The following ADAM9 variants were observed in gnomAD, a reference collection of about 807,000 sequenced individuals.
ADAM9 encodes ADAM metallopeptidase domain 9, also known as disintegrin and metalloproteinase domain-containing protein 9.
Under a neutral mutation model 108.1 loss-of-function variants are expected in ADAM9, and 54 were observed. The ratio of observed to expected loss-of-function variants is 0.50; its 90% confidence interval spans 0.40 to 0.63. The LOEUF (loss-of-function observed/expected upper bound fraction) is 0.63. Among genes scored for constraint, ADAM9 ranks in the 20% least tolerant of loss-of-function variants. The probability of loss-of-function intolerance (pLI) is 0.00; values close to 1 mark genes in which losing one functional copy is unlikely to be tolerated. For missense variants in ADAM9, 830 were observed against 997.7 expected, an observed-to-expected ratio of 0.83 and a Z score of 2.26; for synonymous variants, 316 against 336.0, an observed-to-expected ratio of 0.94 and a Z score of 0.65.
chr8:39,086,257 C>G (rs1839178488), intron 18 of ADAM9, among the ~76,000 whole-genome samples: 1 of 152,194 alleles, frequency 6.6e-6, no homozygotes, highest in Admixed American at 6.5e-5. Flanking sequence ...TCAAATGATT[C>G]ACCCACCTCA....
chr8:39,070,247 C>T (rs1481193901), intron 14 of ADAM9, among the ~76,000 whole-genome samples: 1 of 150,486 alleles, frequency 6.6e-6, no homozygotes, highest in African/African-American at 2.4e-5. Flanking sequence ...CATTTTTCTA[C>T]AACATTGTGT....
rs1372430978 is a variant in ADAM9, at chr8:39,054,379, A to G, written c.1303-102A>G. On this transcript the variant is annotated intron_variant, in intron 12 of 21. Coordinates refer to ENST00000487273, the MANE Select transcript of ADAM9 (RefSeq NM_003816.3). ...TTTCTGGAGGGTAACTGCTACAATCATGTTAGAATGAAGTAGATTTTAGGT... is the reference window on the plus strand; with the variant it reads ...TTTCTGGAGGGTAACTGCTACAATCGTGTTAGAATGAAGTAGATTTTAGGT... The G allele has an allele frequency of 8.8e-6, 9 of 1,021,556 alleles. No homozygotes were observed. The Admixed American group carries it at 9.2e-5, about 10-fold the overall frequency. 63.3% of individuals were successfully genotyped at this position (1,021,556 alleles called of 1,614,324 possible).
At chr8:39,091,894 A>T (rs754063548) in intron 20 of ADAM9, among the ~76,000 whole-genome samples, 2 of 152,210 alleles carry the variant, frequency 1.3e-5, no homozygotes, top group African/African-American at 2.4e-5. Flanking sequence ...TTGGGAAATG[A>T]CATGGGACGT....
intron 4 of ADAM9, 200 bp from the exon 5 acceptor site, chr8:39,015,918 T>TACCTACC (rs1261271583): frequency 3.0e-5 from 17 of 570,520 alleles, no homozygotes; most frequent in African/African-American, 2.8e-4. Context: ...TAAACATTTG[T>TACCTACC]GTACTCATAG....
intron 16 of ADAM9, among the ~76,000 whole-genome samples, chr8:39,077,977 A>G (rs1452933758): frequency 6.6e-6 from 1 of 152,170 alleles, no homozygotes; most frequent in African/African-American, 2.4e-5. Flanking sequence ...GAGCTGGGGT[A>G]GAAGGGATGT....
chr8:39,003,459 A>T (rs1158942437), intron 1 of ADAM9, among the ~76,000 whole-genome samples: 1 of 147,958 alleles, frequency 6.8e-6, no homozygotes, highest in East Asian at 2.0e-4. Context: ...TTTGGTTCCC[A>T]TGAGAAACTG....
intron 1 of ADAM9, among the ~76,000 whole-genome samples, chr8:39,005,346 A>G (rs952277287): frequency 1.3e-5 from 2 of 152,224 alleles, no homozygotes; most frequent in Non-Finnish European, 2.9e-5. Context: ...ATAATTAATA[A>G]GTGTTCAATT....
In ADAM9 at chr8:39,055,567, A is replaced by AT; in HGVS notation, c.1396-7dup. On this transcript the variant is annotated splice_polypyrimidine_tract_variant and intron_variant, in intron 13 of 21. Coordinates refer to ENST00000487273, the MANE Select transcript of ADAM9 (RefSeq NM_003816.3). ...GATATTTCTGTTTAATTTGAATTCTATTTCACTAGTTCCTTCCAGGAGGTA... is the reference window on the plus strand; with the variant it reads ...GATATTTCTGTTTAATTTGAATTCTATTTTCACTAGTTCCTTCCAGGAGGTA... 1 of 1,613,064 alleles carries AT rather than the reference A, an allele frequency of 6.2e-7. No individual in the cohort carries two copies. The highest frequency in any genetic ancestry group is 8.5e-7 in the Non-Finnish European group (1 of 1,179,206).
intron 14 of ADAM9, among the ~76,000 whole-genome samples, chr8:39,058,762 C>T (rs758392729): frequency 6.6e-6 from 1 of 152,154 alleles, no homozygotes; most frequent in Non-Finnish European, 1.5e-5. Flanking sequence ...ACTAAGGCCT[C>T]TAGTCCAGTA....
At chr8:39,073,675 G>A (rs1564352390) in intron 15 of ADAM9, among the ~76,000 whole-genome samples, 1 of 152,104 alleles carries the variant, frequency 6.6e-6, no homozygotes, top group Non-Finnish European at 1.5e-5. Context: ...TTAAAATCTA[G>A]GGATAAGTGG....
intron 3 of ADAM9, among the ~76,000 whole-genome samples, chr8:39,013,440 T>C (rs1229902195): frequency 6.6e-6 from 1 of 152,014 alleles, no homozygotes; most frequent in African/African-American, 2.4e-5. Flanking sequence ...ATATTAAATA[T>C]TATTTATGAA....
intron 15 of ADAM9, among the ~76,000 whole-genome samples, chr8:39,071,756 T>G (rs932692887): frequency 2.0e-5 from 3 of 152,178 alleles, no homozygotes; most frequent in African/African-American, 7.2e-5. Flanking sequence ...TGAGCCACTG[T>G]GCCCGGCCGT....
chr8:39,031,534 A>C (rs183793534), intron 11 of ADAM9, among the ~76,000 whole-genome samples: 81 of 152,294 alleles, frequency 5.3e-4, no homozygotes, highest in African/African-American at 1.8e-3. Context: ...TGTTTATTCT[A>C]GTTAGCCATT....
chr8:39,015,690 A>G (rs78845916), intron 4 of ADAM9: 9,821 of 156,636 alleles, frequency 0.063, 962 homozygotes, highest in East Asian at 0.47. Context: ...TGGGGATTCT[A>G]TTGCTTCAGA....
intron 14 of ADAM9, among the ~76,000 whole-genome samples, chr8:39,066,610 G>C (rs755492224): frequency 6.6e-6 from 1 of 151,906 alleles, no homozygotes; most frequent in Non-Finnish European, 1.5e-5. Flanking sequence ...TTTGATTTTT[G>C]TTGTAAATTT....
intron 16 of ADAM9, among the ~76,000 whole-genome samples, chr8:39,080,948 G>GTTTTTTTT (rs397808791): frequency 9.2e-6 from 1 of 108,766 alleles, no homozygotes; most frequent in Admixed American, 1.1e-4. Flanking sequence ...CACTGTGAGA[G>GTTTTTTTT]TTTTTTTTTT....
chr8:39,028,455 A>G (rs1001743832), intron 11 of ADAM9, among the ~76,000 whole-genome samples: 9 of 152,380 alleles, frequency 5.9e-5, no homozygotes, highest in African/African-American at 1.7e-4. Flanking sequence ...TGCTTTGGCC[A>G]GCAGTGAAGT....
intron 11 of ADAM9, among the ~76,000 whole-genome samples, chr8:39,028,081 C>G (rs991692932): frequency 6.6e-6 from 1 of 152,088 alleles, no homozygotes; most frequent in Non-Finnish European, 1.5e-5. Flanking sequence ...GAGCAAGACC[C>G]TGTTTCAAAA....
chr8:39,021,698 C>T lies in ADAM9; in HGVS notation c.728C>T (p.Ala243Val), dbSNP rs769261560. The stretch of plus-strand genomic sequence containing the variant: ...GTGAGAGAAGAGATGATTCTCCTGG[C>T]AAACTACTTGGATAGTGTAAGTTGT... Reference protein sequence around the residue: ...TAVREEMILLANYLDSMYIML... With the variant: ...TAVREEMILLVNYLDSMYIML... The change falls in exon 8 of 22, where the codon GCA (alanine) becomes GTA (valine). Residue 243 changes from alanine to valine, a missense_variant. Around this residue, in one of 3 missense-constraint regions of ADAM9, gnomAD observed 381 missense variants for 539.8 expected, o/e 0.71. Transcript: ENST00000487273. The T allele has an allele frequency of 6.2e-6, 10 of 1,613,570 alleles. No individual in the cohort carries two copies. Among genetic ancestry groups the T allele is most frequent in the South Asian group, 1.1e-5 (1 of 91,072 alleles).
Sources: allele counts gnomAD v4.1 joint callset (sites outside exome capture counted in the v4.1 genomes callset), GRCh38; gene constraint gnomAD v4.1.1; regional missense constraint gnomAD v4.1.1; transcripts MANE v1.5; gene names NCBI Gene and HGNC (gene_info 2026-07-23, HGNC 2026-07-21).